DCTN1: variants seen among roughly 807,000 people sequenced by gnomAD.
DCTN1 encodes the protein 150 kDa dynein-associated polypeptide.
In DCTN1, 61 loss-of-function variants were observed where a neutral mutation model predicts 161.2. That is an observed-to-expected ratio of 0.38 (90% CI 0.31 to 0.47). The LOEUF (loss-of-function observed/expected upper bound fraction) is 0.47. Ranked by LOEUF, DCTN1 falls within the 20% of genes least tolerant of loss-of-function variation. The pLI is 0.99. For synonymous variants in DCTN1, 653 were observed against 632.4 expected (o/e 1.03, Z -0.49); for missense variants, 1,404 against 1,623.7 (o/e 0.86, Z 2.33).
exon 1 of DCTN1, chr2:74,391,813 G>A (rs1017884108): frequency 4.4e-6 from 2 of 453,872 alleles, no homozygotes; most frequent in East Asian, 7.0e-5. Flanking sequence ...GAGGGGCTCC[G>A]CGCCCAGCTC....
intron 1 of DCTN1, among the ~76,000 whole-genome samples, chr2:74,390,914 G>C (rs1558957095): frequency 6.6e-6 from 1 of 152,156 alleles, no homozygotes; most frequent in East Asian, 1.9e-4. Context: ...AAGAATAACA[G>C]TATATCCTAG....
At chr2:74,362,531 C>A in intron 30 of DCTN1, 119 bp downstream of exon 30, 1 of 1,048,386 alleles carries the variant, frequency 9.5e-7, no homozygotes, top group South Asian at 1.4e-5. Flanking sequence ...CCCTGCCTTC[C>A]CTTCCATCTC....
At chr2:74,374,407 A>C in intron 5 of DCTN1, 67 bp from the exon 6 acceptor site, 1 of 1,609,362 alleles carries the variant, frequency 6.2e-7, no homozygotes, top group Non-Finnish European at 8.5e-7. Flanking sequence ...AGGAGGATAG[A>C]CAAACACACG....
intron 26 of DCTN1, chr2:74,363,835 G>A: frequency 4.4e-6 from 3 of 679,466 alleles, no homozygotes; most frequent in South Asian, 3.4e-5. Context: ...CCAAACAGGA[G>A]TGAGGCCACA....
At position 74,391,812 on chromosome 2, in the gene DCTN1, C is replaced by T. The variant is rs573388563; in HGVS notation, c.-37G>A. 4.0e-4 allele frequency: 182 copies of T among 453,924 alleles called. 1 individual carries two copies. Among genetic ancestry groups the T allele is most frequent in the Non-Finnish European group, 7.2e-4 (163 of 226,702 alleles). The allele number at this position is 453,924 out of a possible 1,614,324, so 28.1% of individuals were successfully genotyped here. On this transcript the variant is annotated 5_prime_UTR_variant, in exon 1 of 28. Coordinates refer to the DCTN1 transcript ENST00000409240. ...TCCGTACCTGCACTGTGAGGGGCTC[C>T]GCGCCCAGCTCCGACCCCACCGACG...
chr2:74,390,916 A>G (rs1558957101), intron 1 of DCTN1, among the ~76,000 whole-genome samples: 1 of 152,234 alleles, frequency 6.6e-6, no homozygotes, highest in East Asian at 1.9e-4. Context: ...GAATAACAGT[A>G]TATCCTAGTA....
intron 7 of DCTN1, chr2:74,372,016 T>G: frequency 2.4e-6 from 1 of 415,110 alleles, no homozygotes; most frequent in South Asian, 2.3e-5. Context: ...CGCTTGGCAC[T>G]GACTCCACAT....
In DCTN1 at chr2:74,366,608, G is replaced by A. The variant is rs1409650990; in HGVS notation, c.2479C>T (p.Leu827Phe). 1.9e-6 allele frequency: 3 copies of A among 1,612,310 alleles called. No homozygotes were observed. The highest frequency in any genetic ancestry group is 1.3e-5 in the African/African-American group (1 of 74,948). ...LAFGPQVSDT[L>F]LDCRKHLTWV... ...GTCAAGTGTTTCCTGCAGTCTAGGA[G>A]CGTGTCAGATACCTGTGTGCCAGGC... The change falls in exon 22 of 32, where the codon CTC (leucine) becomes TTC (phenylalanine). Residue 827 changes from leucine to phenylalanine, a missense_variant. Physicochemically the swap from Leu to Phe is conservative, Grantham distance 22 (BLOSUM62 0). Around this residue, in one of 9 missense-constraint regions of DCTN1, gnomAD observed 475 missense variants for 489.8 expected, o/e 0.97. Coordinates refer to ENST00000628224, the MANE Select transcript of DCTN1 (RefSeq NM_004082.5).
At chr2:74,367,312 G>C (rs1411923524) in intron 19 of DCTN1, 40 bp downstream of exon 19, 6 of 1,610,450 alleles carry the variant, frequency 3.7e-6, no homozygotes, top group Non-Finnish European at 4.2e-6. Flanking sequence ...CTCCATTTCT[G>C]ATCTCCACGG....
At chr2:74,368,468 C>T in intron 16 of DCTN1, 2 of 629,590 alleles carry the variant, frequency 3.2e-6, no homozygotes, top group South Asian at 1.9e-5. Flanking sequence ...CACCTCCTGG[C>T]CCTCAGACAA....
intron 1 of DCTN1, chr2:74,378,792 T>G (rs1254500334): frequency 5.9e-6 from 1 of 168,170 alleles, no homozygotes; most frequent in African/African-American, 2.4e-5. Context: ...TCCAGACCCT[T>G]AAGTCACCAC....
At chr2:74,371,773 A>G (rs1296106981) in intron 7 of DCTN1, 45 bp from the exon 8 acceptor site, 5 of 1,491,574 alleles carry the variant, frequency 3.4e-6, no homozygotes, top group Middle Eastern at 1.7e-4. Context: ...AGCAGAGGAT[A>G]GGGGTAGTAA....
intron 1 of DCTN1, chr2:74,385,567 T>G (rs534261999): frequency 6.6e-6 from 1 of 152,366 alleles, no homozygotes; most frequent in African/African-American, 2.4e-5. Flanking sequence ...GGGCTCTGCC[T>G]TTTGGGCAGC....
chr2:74,391,400 T>C lies in DCTN1; in HGVS notation c.-19+394A>G, dbSNP rs539902493. The C allele has an allele frequency of 2.6e-5, 6 of 232,706 alleles. No individual in the cohort carries two copies. In the South Asian group the frequency reaches 3.0e-4, roughly 11 times the overall value. The allele number at this position is 232,706 out of a possible 1,614,324, so 14.4% of individuals were successfully genotyped here. ...GGAGTAGGATCACACACACAAGTCA[T>C]ATCCAGACTCCCATGCTGTGAGTCC... On this transcript the variant is annotated intron_variant, in intron 1 of 27. Coordinates refer to the DCTN1 transcript ENST00000409240.
chr2:74,391,798 A>G (rs781173235), exon 1 of DCTN1: 2 of 453,790 alleles, frequency 4.4e-6, no homozygotes, highest in South Asian at 3.1e-5. Flanking sequence ...CCGTACCTGC[A>G]CTGTGAGGGG....
intron 26 of DCTN1, 104 bp downstream of exon 26, chr2:74,364,966 GGCTGA>G: frequency 7.2e-7 from 1 of 1,380,860 alleles, no homozygotes; most frequent in Non-Finnish European, 1.0e-6. Flanking sequence ...GCATGTTCCT[GGCTGA>G]ATACCCGGGG....
intron 20 of DCTN1, 48 bp from the exon 21 acceptor site, chr2:74,366,980 C>T: frequency 6.2e-7 from 1 of 1,614,182 alleles, no homozygotes; most frequent in Non-Finnish European, 8.5e-7. Flanking sequence ...AGCATTAAGG[C>T]TCGGAGTAAG....
At chr2:74,381,303 T>A (rs1675499610), upstream of DCTN1, among the ~76,000 whole-genome samples, 1 of 152,144 alleles carries the variant, frequency 6.6e-6, no homozygotes, top group African/African-American at 2.4e-5. Flanking sequence ...ATGGATCTAG[T>A]TCCCTTGGGC....
chr2:74,371,454 C>T, intron 8 of DCTN1, 83 bp downstream of exon 8: 3 of 1,419,816 alleles, frequency 2.1e-6, no homozygotes, highest in Non-Finnish European at 2.9e-6. Flanking sequence ...TCTTTGCCAA[C>T]CCCAGGAAAT....
Sources: allele counts gnomAD v4.1 joint callset (sites outside exome capture counted in the v4.1 genomes callset), GRCh38; gene constraint gnomAD v4.1.1; regional missense constraint gnomAD v4.1.1; transcripts MANE v1.5; gene names NCBI Gene and HGNC (gene_info 2026-07-23, HGNC 2026-07-21).